The following ARHGAP10 variants were observed in gnomAD, a reference collection of about 807,000 sequenced individuals.
ARHGAP10 encodes Rho GTPase activating protein 10, also known as rho GTPase-activating protein 10.
In ARHGAP10, 87 loss-of-function variants were observed where a neutral mutation model predicts 108.6. That is an observed-to-expected ratio of 0.80 (90% CI 0.67 to 0.96). The LOEUF (loss-of-function observed/expected upper bound fraction) is 0.96, where lower values mean the gene tolerates loss of function less well. Ranked by LOEUF, ARHGAP10 falls within the 40% of genes least tolerant of loss-of-function variation. The pLI is 0.00. For missense variants in ARHGAP10, 939 were observed against 954.5 expected (o/e 0.98, Z 0.21); for synonymous variants, 347 against 341.1 (o/e 1.02, Z -0.19).
At chr4:147,879,782 G>A (rs555368999) in intron 9 of ARHGAP10, among the ~76,000 whole-genome samples, 34 of 152,038 alleles carry the variant, frequency 2.2e-4, no homozygotes, top group Non-Finnish European at 4.3e-4. Context: ...TTAAGAGTGA[G>A]AATATGTGGT....
intron 13 of ARHGAP10, among the ~76,000 whole-genome samples, chr4:147,929,563 C>G (rs947351330): frequency 1.3e-5 from 2 of 152,112 alleles, no homozygotes; most frequent in Non-Finnish European, 2.9e-5. Flanking sequence ...TTACTGAGGA[C>G]TAGTTATAAA....
At chr4:147,851,461 C>T (rs1295221440) in intron 4 of ARHGAP10, among the ~76,000 whole-genome samples, 3 of 152,176 alleles carry the variant, frequency 2.0e-5, no homozygotes, top group Non-Finnish European at 4.4e-5. Context: ...GATCCTCCTG[C>T]CTCGGCCTTC....
rs777794720 is a variant in ARHGAP10, at chr4:147,923,313, C to A, written c.1228+10174C>A. On this transcript the variant is annotated intron_variant, in intron 13 of 22. Transcript: ENST00000336498. ...TCTTTGAGTAAGTACAAATGAGCCGCCCCCCATGAGCAGTGCATTGTCTCT... is the reference window on the plus strand; with the variant it reads ...TCTTTGAGTAAGTACAAATGAGCCGACCCCCATGAGCAGTGCATTGTCTCT... 4.2e-4 allele frequency among the ~76,000 whole-genome samples: 64 copies of A among 152,164 alleles called. 1 individual carries two copies. Among genetic ancestry groups the A allele is most frequent in the Admixed American group, 1.3e-4 (2 of 15,282 alleles).
chr4:147,890,948 G>A (rs1426555589), intron 10 of ARHGAP10, among the ~76,000 whole-genome samples: 1 of 152,148 alleles, frequency 6.6e-6, no homozygotes, highest in East Asian at 1.9e-4. Flanking sequence ...TATCTACTAG[G>A]ATGGCTATAA....
chr4:147,943,947 C>T (rs992941119), intron 14 of ARHGAP10, among the ~76,000 whole-genome samples: 8 of 152,142 alleles, frequency 5.3e-5, no homozygotes, highest in Non-Finnish European at 5.9e-5. Flanking sequence ...AGAATGATGG[C>T]TTATTTTTCC....
chr4:147,859,638 T>C (rs914007242), intron 5 of ARHGAP10, among the ~76,000 whole-genome samples: 1 of 152,210 alleles, frequency 6.6e-6, no homozygotes, highest in Non-Finnish European at 1.5e-5. Context: ...CTTCTTCCAC[T>C]AGAATGTAAG....
At chr4:147,803,802 A>G (rs1330760962) in intron 1 of ARHGAP10, among the ~76,000 whole-genome samples, 2 of 152,242 alleles carry the variant, frequency 1.3e-5, no homozygotes, top group Non-Finnish European at 2.9e-5. Context: ...CATTATATCT[A>G]TCTATAGACC....
In ARHGAP10 at chr4:147,962,973, A is replaced by G. The variant is rs1739057518; in HGVS notation, c.1451-2051A>G. Among the ~76,000 whole-genome samples, 6 of 152,044 alleles carry G rather than the reference A, an allele frequency of 3.9e-5. No homozygotes were observed. The South Asian group carries it at 1.2e-3, about 32-fold the overall frequency. ...ACTGTGCCTGGCCACCACTCCTTTC[A>G]TTTCTTTTTTCTTATCTCCCACATA... On this transcript the variant is annotated intron_variant, in intron 16 of 22. Coordinates refer to ENST00000336498, the MANE Select transcript of ARHGAP10 (RefSeq NM_024605.4).
intron 4 of ARHGAP10, among the ~76,000 whole-genome samples, chr4:147,850,670 ACTG>A (rs1256898654): frequency 3.3e-5 from 5 of 152,308 alleles, no homozygotes; most frequent in South Asian, 2.1e-4. Context: ...TGTAACACTC[ACTG>A]CGAGGGTCCG....
chr4:147,888,350 CT>C (rs1202101286), intron 10 of ARHGAP10, among the ~76,000 whole-genome samples: 7 of 152,114 alleles, frequency 4.6e-5, no homozygotes, highest in African/African-American at 1.4e-4. Context: ...TCTGGGGTGT[CT>C]AAAAGGCATT....
In ARHGAP10 at chr4:147,919,921, A is replaced by C. The variant is rs1053921223; in HGVS notation, c.1228+6782A>C. On this transcript the variant is annotated intron_variant, in intron 13 of 22. Transcript: ENST00000336498. ...CAGGCTCTCATACCCTGTCAGCCTGACTTAATTGCTATTGGATGTGGACTG... is the reference window on the plus strand; with the variant it reads ...CAGGCTCTCATACCCTGTCAGCCTGCCTTAATTGCTATTGGATGTGGACTG... Among the ~76,000 whole-genome samples the C allele has an allele frequency of 2.0e-5, 3 of 152,052 alleles. No homozygotes were observed. In the East Asian group the frequency reaches 5.8e-4, roughly 29 times the overall value.
intron 1 of ARHGAP10, among the ~76,000 whole-genome samples, chr4:147,780,870 A>G (rs1730502795): frequency 1.3e-5 from 2 of 152,286 alleles, no homozygotes; most frequent in South Asian, 4.2e-4. Flanking sequence ...GACTGGGCCA[A>G]GGGAAGATGC....
intron 4 of ARHGAP10, among the ~76,000 whole-genome samples, chr4:147,854,220 C>T (rs923226979): frequency 6.6e-6 from 1 of 152,116 alleles, no homozygotes; most frequent in Non-Finnish European, 1.5e-5. Context: ...TGTTTGGCTT[C>T]CTCGTGTTGT....
At chr4:147,828,865 T>C (rs1457943479) in intron 3 of ARHGAP10, among the ~76,000 whole-genome samples, 1 of 140,606 alleles carries the variant, frequency 7.1e-6, no homozygotes, top group African/African-American at 2.6e-5. Flanking sequence ...CCTCACCCTT[T>C]AAAAAGTCAA....
rs147413974 is a variant in ARHGAP10, at chr4:147,993,550, A to G, written c.1716+26711A>G. 1.7e-3 allele frequency among the ~76,000 whole-genome samples: 263 copies of G among 152,336 alleles called. 1 individual carries two copies. The highest frequency in any genetic ancestry group is 5.8e-3 in the African/African-American group (241 of 41,574). ...GCATGTCATGCTTTCTAGAAGTCCAATATTTAGTGAGAAAGTCAGCTGTGC... is the reference window on the plus strand; with the variant it reads ...GCATGTCATGCTTTCTAGAAGTCCAGTATTTAGTGAGAAAGTCAGCTGTGC... On this transcript the variant is annotated intron_variant, in intron 18 of 22. Transcript: ENST00000336498.
chr4:147,814,808 A>G (rs1055715851), intron 1 of ARHGAP10, among the ~76,000 whole-genome samples: 3 of 152,114 alleles, frequency 2.0e-5, no homozygotes, highest in African/African-American at 4.8e-5. Context: ...AGCAGGGCCC[A>G]TTCTTAATGA....
chr4:147,820,580 G>GTTTTTTTT (rs57534364), intron 1 of ARHGAP10, among the ~76,000 whole-genome samples: 1 of 49,042 alleles, frequency 2.0e-5, no homozygotes, highest in Non-Finnish European at 3.7e-5. Flanking sequence ...ACCTCGGCCA[G>GTTTTTTTT]TTTTTTTTTT....
intron 14 of ARHGAP10, chr4:147,946,318 G>GCTATATT (rs1738377807): frequency 1.7e-5 from 5 of 298,898 alleles, no homozygotes; most frequent in Middle Eastern, 9.2e-4. Flanking sequence ...GATGATAATA[G>GCTATATT]CTATACATGA....
At chr4:147,890,814 G>A (rs1042697284) in intron 10 of ARHGAP10, among the ~76,000 whole-genome samples, 5 of 151,924 alleles carry the variant, frequency 3.3e-5, no homozygotes, top group African/African-American at 9.7e-5. Context: ...GCAACAGAGC[G>A]AGACTCCATC....
Sources: allele counts gnomAD v4.1 joint callset (sites outside exome capture counted in the v4.1 genomes callset), GRCh38; gene constraint gnomAD v4.1.1; transcripts MANE v1.5; gene names NCBI Gene and HGNC (gene_info 2026-07-23, HGNC 2026-07-21).